EVC: variants seen among roughly 807,000 people sequenced by gnomAD.
The protein encoded by EVC is evC complex member EVC.
Under a neutral mutation model 118.9 loss-of-function variants are expected in EVC, and 116 were observed. The observed-to-expected ratio is 0.98, with a 90% CI of 0.84 to 1.14. The LOEUF is 1.14. Among genes scored for constraint, EVC ranks in the 50% most tolerant of loss-of-function variants. EVC has a pLI of 0.00. For missense variants in EVC, 1,401 were observed against 1,246.4 expected (o/e 1.12, Z -1.87); for synonymous variants, 619 against 534.7 (o/e 1.16, Z -2.18).
At chr4:5,825,790 AACACG>A in the EVC span, 9 of 780,722 alleles carry the variant, frequency 1.2e-5, no homozygotes, top group African/African-American at 2.0e-5. This position sits in a 1 kb window ranked among gnomAD's most constrained non-coding sequence, Gnocchi z 4.4. Flanking sequence ...ACACACACAC[AACACG>A]CACACACGAC....
intron 11 of EVC, among the ~76,000 whole-genome samples, chr4:5,780,332 T>C (rs1414130305): frequency 6.6e-6 from 1 of 152,188 alleles, no homozygotes; most frequent in African/African-American, 2.4e-5. Flanking sequence ...TTATTTTCCT[T>C]TTAAAAAAAC....
At position 5,811,290 on chromosome 4, in the gene EVC, C is replaced by T. The variant is rs1349604420; in HGVS notation, c.*253C>T. On this transcript the variant is annotated 3_prime_UTR_variant, in exon 21 of 21. Coordinates refer to ENST00000264956, the MANE Select transcript of EVC (RefSeq NM_153717.3). ...TTTCATTTGGCTTGGAGCCCTGGCTCGATGCCTCATGGATCTTTCTCCCCA... is the reference window on the plus strand; with the variant it reads ...TTTCATTTGGCTTGGAGCCCTGGCTTGATGCCTCATGGATCTTTCTCCCCA... 2.1e-5 allele frequency: 10 copies of T among 469,444 alleles called. No homozygotes were observed. The highest frequency in any genetic ancestry group is 2.0e-4 in the Admixed American group (6 of 29,854). The allele number at this position is 469,444 out of a possible 1,614,324, so 29.1% of individuals were successfully genotyped here. A position where few individuals can be genotyped will look rare whatever the true frequency, so the allele number is the denominator to read the frequency against.
chr4:5,761,292 G>A (rs557153243), intron 11 of EVC, among the ~76,000 whole-genome samples: 2 of 152,014 alleles, frequency 1.3e-5, no homozygotes, highest in African/African-American at 4.8e-5. Context: ...GAGCCCAGTG[G>A]GGATGAGCCC....
chr4:5,762,443 T>C (rs1732215974), intron 11 of EVC, among the ~76,000 whole-genome samples: 1 of 128,600 alleles, frequency 7.8e-6, no homozygotes, highest in Admixed American at 7.8e-5. Flanking sequence ...GGTCAAATGG[T>C]ATTTCTAGTT....
Position 5,800,258 on chromosome 4 carries a change from T to C in EVC, c.2304+1466T>C, listed in dbSNP as rs1405099005. ...TACTCGGGAGGCTGAGGCAGCAGAC[T>C]CACTTGAATCTGGGAGGCGGAGGTT... On this transcript the variant is annotated intron_variant, in intron 15 of 20. Transcript: ENST00000264956. Among the ~76,000 whole-genome samples the C allele has an allele frequency of 4.6e-5, 7 of 152,268 alleles. No individual in the cohort carries two copies. In the South Asian group the frequency reaches 1.0e-3, roughly 23 times the overall value.
At position 5,805,095 on chromosome 4, in the gene EVC, C is replaced by G. The variant is rs574582580; in HGVS notation, c.2561+254C>G. Among the ~76,000 whole-genome samples, 52 of 152,272 alleles carry G rather than the reference C, an allele frequency of 3.4e-4. No homozygotes were observed. In the South Asian group the frequency reaches 0.011, roughly 31 times the overall value. ...TCCCAGGTTTAAGTGGCATTCACAG[C>G]CCGGACACAGGTCTAAGCCATGTTT... On this transcript the variant is annotated intron_variant, in intron 17 of 20. Coordinates refer to ENST00000264956, the MANE Select transcript of EVC (RefSeq NM_153717.3).
At chr4:5,792,828 T>A (rs1713046651) in intron 12 of EVC, among the ~76,000 whole-genome samples, 1 of 152,040 alleles carries the variant, frequency 6.6e-6, no homozygotes. Flanking sequence ...AGCCACAAGG[T>A]ACCTAAAAAT....
rs1056689145 is a variant in EVC at position 5,742,109 on chromosome 4, T to C, written c.801+295T>C. 2.0e-5 allele frequency among the ~76,000 whole-genome samples: 3 copies of C among 152,210 alleles called. No homozygotes were observed. Among genetic ancestry groups the C allele is most frequent in the African/African-American group, 4.8e-5 (2 of 41,464 alleles). ...ATTTGGGATATTTTTAAAGACATAATTTGTTTATTGGTTATAGCTATGTAT... is the reference window on the plus strand; with the variant it reads ...ATTTGGGATATTTTTAAAGACATAACTTGTTTATTGGTTATAGCTATGTAT... On this transcript the variant is annotated intron_variant, in intron 6 of 20. Coordinates refer to ENST00000264956, the MANE Select transcript of EVC (RefSeq NM_153717.3). This position sits in a 1 kb window ranked among gnomAD's most constrained non-coding sequence, Gnocchi z 5.2.
chr4:5,808,865 A>G (rs35467531), intron 18 of EVC, among the ~76,000 whole-genome samples: 36,140 of 152,160 alleles, frequency 0.24, 4,660 homozygotes, highest in Non-Finnish European at 0.26. Context: ...AAAAAAATCA[A>G]ATCTTCCAGA....
Position 5,745,244 on chromosome 4 carries a change from C to T in EVC, c.842C>T (p.Ser281Leu), listed in dbSNP as rs1180633826. Residue 281 changes from serine to leucine, a missense_variant, in exon 7 of 21, where the codon TCA becomes TTA. Physicochemically the swap from Ser to Leu is moderately radical, Grantham distance 145. Transcript: ENST00000264956. Reference protein sequence around the residue: ...ELEKGLQVKLSNTEMSGAGDS... With the variant: ...ELEKGLQVKLLNTEMSGAGDS... ...GAAAAGGGACTTCAGGTCAAACTGT[C>T]AAACACAGAAATGTCGGGGGCTGGT... 4 of 1,613,954 alleles carry T rather than the reference C, an allele frequency of 2.5e-6. No individual in the cohort carries two copies. The South Asian group carries it at 4.4e-5, about 18-fold the overall frequency.
intron 13 of EVC, among the ~76,000 whole-genome samples, chr4:5,795,772 CTG>C (rs899331056): frequency 5.3e-5 from 8 of 152,220 alleles, no homozygotes; most frequent in African/African-American, 1.9e-4. Context: ...GCCTGAAAAC[CTG>C]TGTCTTTTAA....
chr4:5,818,861 T>C (rs1457675736), downstream of EVC, among the ~76,000 whole-genome samples: 1 of 152,210 alleles, frequency 6.6e-6, no homozygotes, highest in Non-Finnish European at 1.5e-5. Flanking sequence ...CCAAATGGAC[T>C]AAGACAGAAA....
chr4:5,787,607 G>A (rs1052771664), intron 12 of EVC, among the ~76,000 whole-genome samples: 21 of 152,274 alleles, frequency 1.4e-4, no homozygotes, highest in East Asian at 5.8e-4. Context: ...TCAGGCTTCC[G>A]ATCTCCAGAA....
rs760767818 is a variant in EVC at position 5,756,587 on chromosome 4, G to T, written c.1563+225G>T. On this transcript the variant is annotated intron_variant, in intron 11 of 20. Transcript: ENST00000264956. This position sits in a 1 kb window ranked among gnomAD's most constrained non-coding sequence, Gnocchi z 4.2. ...TCTCTGAGGCACCGTCCATTTTTGG[G>T]GTGCTGAGGATTCTTATCTCCACAC... Among the ~76,000 whole-genome samples, 6 of 152,174 alleles carry T rather than the reference G, an allele frequency of 3.9e-5. No individual in the cohort carries two copies. Among genetic ancestry groups the T allele is most frequent in the East Asian group, 1.9e-4 (1 of 5,196 alleles).
chr4:5,730,801 G>A (rs995714355), intron 3 of EVC, among the ~76,000 whole-genome samples: 8 of 152,250 alleles, frequency 5.3e-5, no homozygotes, highest in East Asian at 1.9e-4. Flanking sequence ...GTCACCAGGA[G>A]CGTCTAAGCC....
intron 17 of EVC, among the ~76,000 whole-genome samples, chr4:5,807,423 G>T (rs1716100086): frequency 6.6e-6 from 1 of 152,218 alleles, no homozygotes; most frequent in African/African-American, 2.4e-5. Context: ...ACGCACAGCT[G>T]CCTATCCATG....
chr4:5,733,787 A>G (rs1243503372), intron 5 of EVC, among the ~76,000 whole-genome samples: 3 of 152,230 alleles, frequency 2.0e-5, no homozygotes, highest in African/African-American at 7.2e-5. Context: ...ATTTATGAGC[A>G]TGAATTTTCT....
At position 5,812,631 on chromosome 4, in the gene EVC, G is replaced by A. The variant is rs771213486; in HGVS notation, c.*1594G>A. 23 of 171,894 alleles carry A rather than the reference G, an allele frequency of 1.3e-4. No homozygotes were observed. The highest frequency in any genetic ancestry group is 5.3e-4 in the South Asian group (4 of 7,564). 10.6% of individuals were successfully genotyped at this position (171,894 alleles called of 1,614,324 possible). On this transcript the variant is annotated 3_prime_UTR_variant, in exon 21 of 21. Transcript: ENST00000264956. ...CCTCTCACCACAGCCAGGAGAGGCC[G>A]TTCCCACCTGGAGGGAAAATTGCTC...
At position 5,711,377 on chromosome 4, in the gene EVC, C is replaced by G. The variant is rs915571822; in HGVS notation, c.-4C>G. ...GCGGCGGGGCGGCAGCCTGAGCGCC[C>G]CGGATGGCCCGCGGCGGGGCGGCCT... On this transcript the variant is annotated 5_prime_UTR_variant, in exon 1 of 21. Transcript: ENST00000264956. The G allele has an allele frequency of 7.9e-6, 8 of 1,010,520 alleles. No individual in the cohort carries two copies. The highest frequency in any genetic ancestry group is 5.2e-5 in the African/African-American group (3 of 57,442). The allele number at this position is 1,010,520 out of a possible 1,614,324, so 62.6% of individuals were successfully genotyped here. A position where few individuals can be genotyped will look rare whatever the true frequency, so the allele number is the denominator to read the frequency against.
Sources: gnomAD v4.1 joint callset for allele counts (sites outside exome capture counted in the v4.1 genomes callset) on GRCh38, gnomAD v4.1.1 for gene constraint, Gnocchi (gnomAD v3.1) non-coding constraint, MANE v1.5 for transcripts, NCBI Gene and HGNC (gene_info 2026-07-23, HGNC 2026-07-21) for gene names.